OVGP1: variants seen among roughly 807,000 people sequenced by gnomAD.
The protein encoded by OVGP1 is oviductal glycoprotein 1, also known as oviduct-specific glycoprotein.
Under a neutral mutation model 48.2 loss-of-function variants are expected in OVGP1, and 26 were observed. The ratio of observed to expected loss-of-function variants is 0.54; its 90% CI spans 0.40 to 0.75. The LOEUF (loss-of-function observed/expected upper bound fraction) is 0.75, where lower values mean the gene tolerates loss of function less well. OVGP1 is among the 30% of genes least tolerant of loss of function. The probability of loss-of-function intolerance (pLI) is 0.00; values close to 1 mark genes in which losing one functional copy is unlikely to be tolerated. For missense variants in OVGP1, 791 were observed against 820.6 expected (o/e 0.96, Z 0.44); for synonymous variants, 294 against 305.7 (o/e 0.96, Z 0.40).
chr1:111,421,364 G>A lies in OVGP1; in HGVS notation c.815C>T (p.Ala272Val), dbSNP rs1236522273. The A allele has an allele frequency of 3.7e-6, 6 of 1,614,154 alleles. No individual in the cohort carries two copies. In the South Asian group the frequency reaches 6.6e-5, roughly 18 times the overall value. The change falls in exon 8 of 11, where the codon GCC becomes GTC. Residue 272 changes from alanine to valine, a missense_variant. Physicochemically the swap from Ala to Val is moderately conservative, Grantham distance 64. Coordinates refer to ENST00000369732, the MANE Select transcript of OVGP1 (RefSeq NM_002557.4). ...TYGRTFRLLK[A>V]SKNGLQARAI... is the part of the protein sequence containing the mutation. ...TCTGGCCTGCAACCCATTCTTAGAG[G>A]CTTTGAGGAGGCGAAAGGTACGTCC... is the stretch of plus-strand genomic sequence containing the variant.
At chr1:111,426,736 G>A (rs1198273779) in intron 2 of OVGP1, 95 bp from the exon 3 acceptor site, 11 of 1,553,306 alleles carry the variant, frequency 7.1e-6, no homozygotes, top group Non-Finnish European at 9.6e-6. Context: ...CAAGAGACCA[G>A]GCCACATTTT....
At position 111,421,480 on chromosome 1, in the gene OVGP1, C is replaced by T; in HGVS notation, c.718-19G>A. On this transcript the variant is annotated intron_variant, in intron 7 of 10. Coordinates refer to ENST00000369732, the MANE Select transcript of OVGP1 (RefSeq NM_002557.4). ...CATATGCCTGCAGGTAAGAAGAATC[C>T]AGACTCCTCCTTGTTACTAAGAGCC... is the stretch of plus-strand genomic sequence containing the variant. 2 of 1,608,534 alleles carry T rather than the reference C, an allele frequency of 1.2e-6. No homozygotes were observed. The highest frequency in any genetic ancestry group is 1.7e-6 in the Non-Finnish European group (2 of 1,177,462).
chr1:111,423,941 C>T (rs186777661), intron 4 of OVGP1, among the ~76,000 whole-genome samples: 72 of 152,342 alleles, frequency 4.7e-4, no homozygotes, highest in Non-Finnish European at 1.6e-4. Flanking sequence ...CCATGTACTG[C>T]CCCAAGGCCA....
Position 111,414,493 on chromosome 1 carries a change from C to A in OVGP1, c.2008G>T (p.Glu670Ter), listed in dbSNP as rs1383114865. The A allele has an allele frequency of 6.2e-7, 1 of 1,613,226 alleles. No individual in the cohort carries two copies. The highest frequency in any genetic ancestry group is 1.1e-5 in the South Asian group (1 of 91,016). ...GCTTCTTCATCCACAGCAGAGTTTT[C>A]TGGGATTTCTTTTTTTAGAGAAAGA... is the stretch of plus-strand genomic sequence containing the variant. ...SPLSLKKEIP[E>*]NSAVDEEA Residue 670 changes from glutamate to a stop codon, truncating the protein, a stop_gained, in exon 11 of 11, where the codon GAA (glutamate) becomes TAA (stop). Coordinates refer to ENST00000369732, the MANE Select transcript of OVGP1 (RefSeq NM_002557.4). LOFTEE classifies it high-confidence loss of function.
At chr1:111,420,038 G>C (rs1235710238) in intron 8 of OVGP1, among the ~76,000 whole-genome samples, 1 of 151,414 alleles carries the variant, frequency 6.6e-6, no homozygotes, top group Non-Finnish European at 1.5e-5. Context: ...TAACATACAT[G>C]ATCCTTGACC....
At chr1:111,418,899 A>G (rs1007752357) in intron 9 of OVGP1, among the ~76,000 whole-genome samples, 1 of 152,228 alleles carries the variant, frequency 6.6e-6, no homozygotes, top group Non-Finnish European at 1.5e-5. Flanking sequence ...CTACTGGAGC[A>G]TGTCAGTTCT....
intron 9 of OVGP1, among the ~76,000 whole-genome samples, chr1:111,418,541 C>T (rs554415403): frequency 1.5e-4 from 23 of 152,276 alleles, no homozygotes; most frequent in Middle Eastern, 3.4e-3. Context: ...AAAAAACAGC[C>T]GACACCTGCC....
chr1:111,420,287 G>C (rs1652234264), intron 8 of OVGP1, among the ~76,000 whole-genome samples: 1 of 152,238 alleles, frequency 6.6e-6, no homozygotes, highest in African/African-American at 2.4e-5. Context: ...TACGCAAGCT[G>C]TGCTGCAGAA....
rs747166661 is a variant in OVGP1 at position 111,426,451 on chromosome 1, G to T, written c.246C>A (p.Asn82Lys). 6.2e-7 allele frequency: 1 copy of T among 1,614,110 alleles called. No individual in the cohort carries two copies. Among genetic ancestry groups the T allele is most frequent in the East Asian group, 2.2e-5 (1 of 44,878 alleles). The change falls in exon 3 of 11, where the codon AAC (asparagine) becomes AAA (lysine). Residue 82 changes from asparagine (N) to lysine (K), a missense_variant. Asn to Lys is a moderately conservative substitution (Grantham distance 94). Coordinates refer to ENST00000369732, the MANE Select transcript of OVGP1 (RefSeq NM_002557.4). ...TATGAACACACCTCTCCTTTAGTTT[G>T]TTGAACTCTGGGTAGAGAATTTTCT... ...QDEKILYPEF[N>K]KLKERNRELK...
At chr1:111,425,344 C>T (rs1387481565) in intron 4 of OVGP1, 39 bp downstream of exon 4, 2 of 1,612,232 alleles carry the variant, frequency 1.2e-6, no homozygotes, top group Non-Finnish European at 1.7e-6. Flanking sequence ...CAGCCTGCTC[C>T]ACCCTCCCAG....
chr1:111,427,564 G>T, intron 1 of OVGP1, 133 bp downstream of exon 1: 1 of 1,167,526 alleles, frequency 8.6e-7, no homozygotes. Flanking sequence ...ATTAACTATG[G>T]CCCATCCCAT....
intron 5 of OVGP1, among the ~76,000 whole-genome samples, 193 bp from the exon 6 acceptor site, chr1:111,423,244 T>C (rs985217976): frequency 6.6e-6 from 1 of 152,056 alleles, no homozygotes; most frequent in African/African-American, 2.4e-5. Context: ...ATTTAATCAA[T>C]TGAGGGGTGG....
chr1:111,421,466 A>G lies in OVGP1; in HGVS notation c.718-5T>C. 1 of 1,609,304 alleles carries G rather than the reference A, an allele frequency of 6.2e-7. No homozygotes were observed. The highest frequency in any genetic ancestry group is 8.5e-7 in the Non-Finnish European group (1 of 1,177,876). The stretch of plus-strand genomic sequence containing the variant: ...CCAATAATTCATAGCATATGCCTGC[A>G]GGTAAGAAGAATCCAGACTCCTCCT... On this transcript the variant is annotated splice_region_variant and splice_polypyrimidine_tract_variant and intron_variant, in intron 7 of 10. Transcript: ENST00000369732.
rs148179585 is a variant in OVGP1, at chr1:111,415,067, G to A, written c.1434C>T (p.Thr478=). 1 of 1,614,140 alleles carries A rather than the reference G, an allele frequency of 6.2e-7. No homozygotes were observed. ...TGGACTGATGACCCACAGAAGTCAT[G>A]GTCATTGCCCCAGTGATCTCAGTCT... ...GEKTEITGAM[T]MTSVGHQSMT... The change falls in exon 11 of 11, where the codon ACC becomes ACT. Residue 478 remains threonine (T), a synonymous_variant. Coordinates refer to ENST00000369732, the MANE Select transcript of OVGP1 (RefSeq NM_002557.4).
chr1:111,418,141 T>A (rs1452991369), intron 9 of OVGP1, among the ~76,000 whole-genome samples: 1 of 152,188 alleles, frequency 6.6e-6, no homozygotes, highest in Non-Finnish European at 1.5e-5. Context: ...GCTCTGATAT[T>A]CTATGTCAAA....
At position 111,415,190 on chromosome 1, in the gene OVGP1, T is replaced by C; in HGVS notation, c.1311A>G (p.Gly437=). ...GGEAGVTEIH[G]KCENMTITPR... ...GGGTTATAGTCATATTTTCACACTT[T>C]CCGTGGATCTCAGTGACCCCAGCCT... Residue 437 remains glycine, a synonymous_variant, in exon 11 of 11, where the codon GGA becomes GGG. Transcript: ENST00000369732. The C allele has an allele frequency of 6.2e-7, 1 of 1,614,164 alleles. No individual in the cohort carries two copies. Among genetic ancestry groups the C allele is most frequent in the Non-Finnish European group, 8.5e-7 (1 of 1,180,024 alleles).
chr1:111,416,589 T>G, intron 9 of OVGP1, 131 bp from the exon 10 acceptor site: 1 of 698,284 alleles, frequency 1.4e-6, no homozygotes, highest in Non-Finnish European at 2.2e-6. Context: ...AGCATTTGAA[T>G]CTAGCTTTTA....
chr1:111,419,823 C>G, intron 8 of OVGP1, 97 bp from the exon 9 acceptor site: 2 of 760,398 alleles, frequency 2.6e-6, no homozygotes, highest in Non-Finnish European at 4.6e-6. Context: ...ATCCAAGAAT[C>G]CCTAACCAGC....
chr1:111,421,493 G>T (rs368848403), intron 7 of OVGP1, 32 bp from the exon 8 acceptor site: 40 of 1,608,550 alleles, frequency 2.5e-5, no homozygotes, highest in Admixed American at 1.0e-4. Context: ...ACTCCTCCTT[G>T]TTACTAAGAG....
Sources: allele counts gnomAD v4.1 joint callset (sites outside exome capture counted in the v4.1 genomes callset), GRCh38; gene constraint gnomAD v4.1.1; transcripts MANE v1.5; gene names NCBI Gene and HGNC (gene_info 2026-07-23, HGNC 2026-07-21).